The following DNHD1 variants were observed in gnomAD, a reference collection of about 807,000 sequenced individuals.
DNHD1 encodes the protein dynein heavy chain domain-containing protein 1.
DNHD1 carries 383 observed loss-of-function variants against 458.1 expected under a neutral mutation model. That is an observed-to-expected ratio of 0.84 (90% confidence interval 0.77 to 0.91). DNHD1 has a LOEUF of 0.91. DNHD1 is among the 40% of genes least tolerant of loss of function. The pLI is 0.00. For missense variants in DNHD1, 5,336 were observed against 5,866.1 expected, an observed-to-expected ratio of 0.91 and a Z score of 2.95; for synonymous variants, 2,203 against 2,376.9, an observed-to-expected ratio of 0.93 and a Z score of 2.13.
chr11:6,500,421 T>C (rs1852109904), intron 3 of DNHD1, among the ~76,000 whole-genome samples: 1 of 152,248 alleles, frequency 6.6e-6, no homozygotes, highest in South Asian at 2.1e-4. Flanking sequence ...TGTAAGTTTA[T>C]GGCTGGGTCA....
At chr11:6,507,581 A>G (rs1001872215) in intron 4 of DNHD1, among the ~76,000 whole-genome samples, 3 of 152,284 alleles carry the variant, frequency 2.0e-5, no homozygotes, top group Middle Eastern at 6.8e-3. Flanking sequence ...TGAGAAGAGT[A>G]CTGTATAACT....
intron 3 of DNHD1, among the ~76,000 whole-genome samples, chr11:6,502,476 C>T (rs1487890421): frequency 6.6e-6 from 1 of 152,206 alleles, no homozygotes; most frequent in African/African-American, 2.4e-5. Flanking sequence ...TAATTCCAAT[C>T]AATCCAGAAT....
chr11:6,565,026 C>T (rs1291687649), intron 32 of DNHD1, among the ~76,000 whole-genome samples: 2 of 152,206 alleles, frequency 1.3e-5, no homozygotes, highest in Non-Finnish European at 2.9e-5. Flanking sequence ...TGATCTTCCA[C>T]TTCCCTGGTC....
At chr11:6,529,240 T>C (rs931899932) in intron 12 of DNHD1, 119 bp downstream of exon 12, 4 of 1,156,142 alleles carry the variant, frequency 3.5e-6, no homozygotes, top group East Asian at 2.6e-5. Context: ...ATTGGACCTA[T>C]GAAGCCTTCC....
intron 18 of DNHD1, among the ~76,000 whole-genome samples, chr11:6,543,335 G>A (rs990251928): frequency 6.6e-6 from 1 of 152,164 alleles, no homozygotes. Context: ...AACTCTTTAA[G>A]CAGCACCAGG....
Position 6,545,389 on chromosome 11 carries a change from C to A in DNHD1, c.4450C>A (p.Leu1484Met), listed in dbSNP as rs139710428. The change falls in exon 21 of 43, where the codon CTG (leucine) becomes ATG (methionine). Residue 1484 changes from leucine to methionine, a missense_variant. Transcript: ENST00000254579. This position sits in a 1 kb window ranked among gnomAD's most constrained non-coding sequence, Gnocchi z 4.9. ...GPSLGEALKQ[L>M]PKQNKLYLQL... ...ATCTCTAGGTGAGGCCCTCAAGCAA[C>A]TGCCCAAGCAAAACAAGTTGTACCT... 2.0e-5 allele frequency: 31 copies of A among 1,551,792 alleles called. No individual in the cohort carries two copies. In the African/African-American group the frequency reaches 3.6e-4, roughly 18 times the overall value.
At chr11:6,553,872 C>CA (rs1853410499) in intron 24 of DNHD1, among the ~76,000 whole-genome samples, 1 of 152,120 alleles carries the variant, frequency 6.6e-6, no homozygotes, top group Admixed American at 6.5e-5. Flanking sequence ...ATATGATGTT[C>CA]ATGGATCAGA....
chr11:6,571,212 G>GC lies in DNHD1; in HGVS notation c.13701dup (p.Val4568ArgfsTer8), dbSNP rs1251515059. The stretch of plus-strand genomic sequence containing the variant: ...GGGCAACTGTTGGTTCGTTACTTGG[G>GC]CGTGGGCGCGGACGCGAGCAGTGAT... On this transcript the variant is annotated frameshift_variant, in exon 42 of 43. Coordinates refer to ENST00000254579, the MANE Select transcript of DNHD1 (RefSeq NM_144666.3). LOFTEE classifies it high-confidence loss of function. The surrounding 1 kb of genome is among the most constrained non-coding windows in gnomAD (Gnocchi z 5.0). 36 of 1,608,356 alleles carry GC rather than the reference G, an allele frequency of 2.2e-5. No individual in the cohort carries two copies. Among genetic ancestry groups the GC allele is most frequent in the Non-Finnish European group, 2.9e-5 (34 of 1,176,936 alleles).
rs1331499624 is a variant in DNHD1 at position 6,528,643 on chromosome 11, T to C, written c.1959T>C (p.Ser653=). ...TGGGATTGGTGTGGCCCTGGAAGTC[T>C]CACCCAATTGCTGGTATCTTGGAGG... ...PNVGLVWPWK[S]HPIAGILEVR... is the part of the protein sequence containing the mutation. Residue 653 remains serine, a synonymous_variant, in exon 11 of 43, where the codon TCT becomes TCC. Transcript: ENST00000254579. The C allele has an allele frequency of 6.4e-7, 1 of 1,551,632 alleles. No individual in the cohort carries two copies. Among genetic ancestry groups the C allele is most frequent in the Non-Finnish European group, 8.7e-7 (1 of 1,147,018 alleles).
intron 7 of DNHD1, among the ~76,000 whole-genome samples, chr11:6,512,398 A>AT (rs1451123104): frequency 2.0e-5 from 3 of 150,228 alleles, no homozygotes; most frequent in East Asian, 2.0e-4. Flanking sequence ...TTTTTTTTGT[A>AT]TTTTTAGTAG....
chr11:6,570,884 A>ATT lies in DNHD1; in HGVS notation c.13372_13373insTT (p.Thr4458IlefsTer4). 6.2e-7 allele frequency: 1 copy of ATT among 1,613,942 alleles called. No homozygotes were observed. Reference sequence around the variant, plus strand: ...GCTGGAGTCACTGCAGGATCTGCTGACCCACGTGATTCGCCAAGACGAGTC... The same window carrying ATT: ...GCTGGAGTCACTGCAGGATCTGCTGATTCCCACGTGATTCGCCAAGACGAGTC... On this transcript the variant is annotated frameshift_variant, in exon 42 of 43. Transcript: ENST00000254579. LOFTEE classifies it high-confidence loss of function.
At chr11:6,499,903 C>T (rs929147245) in intron 3 of DNHD1, among the ~76,000 whole-genome samples, 1 of 151,120 alleles carries the variant, frequency 6.6e-6, no homozygotes, top group Non-Finnish European at 1.5e-5. Flanking sequence ...GCTATCAGAG[C>T]TCTCTACAGG....
At position 6,538,429 on chromosome 11, in the gene DNHD1, T is replaced by G; in HGVS notation, c.3045T>G (p.Ile1015Met). 3 of 1,551,744 alleles carry G rather than the reference T, an allele frequency of 1.9e-6. No homozygotes were observed. In the African/African-American group the frequency reaches 4.1e-5, roughly 21 times the overall value. The change falls in exon 15 of 43, where the codon ATT (isoleucine) becomes ATG (methionine). Residue 1015 changes from isoleucine (I) to methionine (M), a missense_variant. By Grantham distance (10) the Ile-to-Met change is conservative. Coordinates refer to ENST00000254579, the MANE Select transcript of DNHD1 (RefSeq NM_144666.3). ...VPLPICGTRP[I>M]VQQQRIWHLY... The stretch of plus-strand genomic sequence containing the variant: ...TGCCAATCTGTGGGACACGTCCTAT[T>G]GTGCAGCAGCAGCGCATATGGCACC...
chr11:6,554,348 C>T (rs999922731), intron 24 of DNHD1, among the ~76,000 whole-genome samples: 1 of 151,892 alleles, frequency 6.6e-6, no homozygotes, highest in Admixed American at 6.6e-5. Context: ...GGATCACAGA[C>T]CTAAAGCTAA....
At position 6,556,925 on chromosome 11, in the gene DNHD1, C is replaced by A; in HGVS notation, c.7630C>A (p.Gln2544Lys). The A allele has an allele frequency of 6.4e-7, 1 of 1,551,746 alleles. No individual in the cohort carries two copies. Among genetic ancestry groups the A allele is most frequent in the Middle Eastern group, 1.7e-4 (1 of 5,992 alleles). ...GCTGGAAAGACATGTGCCTATCATT[C>A]AGGCTTGGCTTGAGCGTTTCCCTTC... ...TLLERHVPII[Q>K]AWLERFPSVE... The change falls in exon 25 of 43, where the codon CAG (glutamine) becomes AAG (lysine). Residue 2544 changes from glutamine (Q) to lysine (K), a missense_variant. Transcript: ENST00000254579.
intron 7 of DNHD1, 107 bp from the exon 8 acceptor site, chr11:6,519,493 T>C: frequency 7.9e-7 from 1 of 1,266,506 alleles, no homozygotes; most frequent in Non-Finnish European, 1.1e-6. Flanking sequence ...TATGTATATC[T>C]AGGTTCTAGG....
chr11:6,547,792 C>A, intron 21 of DNHD1, 71 bp from the exon 22 acceptor site: 1 of 1,534,298 alleles, frequency 6.5e-7, no homozygotes, highest in Non-Finnish European at 8.8e-7. Context: ...ATACTGTCAA[C>A]CTTTTTTCTT....
rs1031630199 is a variant in DNHD1 at position 6,548,019 on chromosome 11, T to G, written c.6884T>G (p.Phe2295Cys). 1 of 1,551,734 alleles carries G rather than the reference T, an allele frequency of 6.4e-7. No individual in the cohort carries two copies. Among genetic ancestry groups the G allele is most frequent in the Non-Finnish European group, 8.7e-7 (1 of 1,146,992 alleles). ...SSFLFALIWG[F>C]GAHLPSRFWP... ...TTTCTTTTTGCCTTGATCTGGGGCTTTGGAGCCCACCTTCCCTCCAGGTAC... is the reference window on the plus strand; with the variant it reads ...TTTCTTTTTGCCTTGATCTGGGGCTGTGGAGCCCACCTTCCCTCCAGGTAC... The change falls in exon 22 of 43, where the codon TTT (phenylalanine) becomes TGT (cysteine). Residue 2295 changes from phenylalanine (F) to cysteine (C), a missense_variant. Physicochemically the swap from Phe to Cys is radical, Grantham distance 205. Transcript: ENST00000254579. The surrounding 1 kb of genome is among the most constrained non-coding windows in gnomAD (Gnocchi z 4.4).
chr11:6,528,013 C>T (rs1852744744), intron 10 of DNHD1, among the ~76,000 whole-genome samples: 1 of 152,190 alleles, frequency 6.6e-6, no homozygotes, highest in Admixed American at 6.5e-5. Flanking sequence ...AGCTAGGTGT[C>T]ATATACAATT....
Sources: allele counts gnomAD v4.1 joint callset (sites outside exome capture counted in the v4.1 genomes callset), GRCh38; gene constraint gnomAD v4.1.1; non-coding constraint Gnocchi (gnomAD v3.1); transcripts MANE v1.5; gene names NCBI Gene and HGNC (gene_info 2026-07-23, HGNC 2026-07-21).